NRG1: variants seen among roughly 807,000 people sequenced by gnomAD.
NRG1 encodes pro-neuregulin-1, membrane-bound isoform.
In NRG1, 18 loss-of-function variants were observed where a neutral mutation model predicts 63.8. The ratio of observed to expected loss-of-function variants is 0.28; its 90% confidence interval spans 0.19 to 0.42. The LOEUF (loss-of-function observed/expected upper bound fraction) is 0.42, where lower values mean the gene tolerates loss of function less well. Ranked by LOEUF, NRG1 falls within the 10% of genes least tolerant of loss-of-function variation. NRG1 has a pLI of 1.00. For synonymous variants in NRG1, 302 were observed against 301.3 expected (o/e 1.00, Z -0.02); for missense variants, 762 against 814.7 (o/e 0.94, Z 0.79).
At chr8:32,119,459 T>C (rs1231951487) in intron 1 of NRG1, among the ~76,000 whole-genome samples, 1 of 152,092 alleles carries the variant, frequency 6.6e-6, no homozygotes, top group Non-Finnish European at 1.5e-5. Context: ...TTAAAGGCAA[T>C]CCATCTTCTA....
chr8:32,116,552 T>TA (rs1832737070), intron 1 of NRG1, among the ~76,000 whole-genome samples: 2 of 151,874 alleles, frequency 1.3e-5, no homozygotes, highest in Admixed American at 1.3e-4. Flanking sequence ...TAGGCAAGAG[T>TA]AAGTGGTTTA....
intron 5 of NRG1, among the ~76,000 whole-genome samples, chr8:32,653,069 T>C (rs750998984): frequency 2.2e-4 from 34 of 152,228 alleles, no homozygotes; most frequent in Non-Finnish European, 4.1e-4. Flanking sequence ...TTTCTACTTT[T>C]ATTACTTTTG....
chr8:32,033,788 A>C (rs1818628509), intron 1 of NRG1, among the ~76,000 whole-genome samples: 1 of 152,158 alleles, frequency 6.6e-6, no homozygotes, highest in Non-Finnish European at 1.5e-5. Flanking sequence ...TGACTTTTGC[A>C]CATTGATTTT....
chr8:31,793,699 T>C (rs1820926236), intron 1 of NRG1, among the ~76,000 whole-genome samples: 1 of 152,154 alleles, frequency 6.6e-6, no homozygotes, highest in Non-Finnish European at 1.5e-5. Flanking sequence ...AACAAAGCTA[T>C]ATTTATCCTT....
intron 1 of NRG1, among the ~76,000 whole-genome samples, chr8:32,262,927 A>G (rs1045733104): frequency 6.6e-6 from 1 of 152,162 alleles, no homozygotes; most frequent in Non-Finnish European, 1.5e-5. Flanking sequence ...CCATCCCTTT[A>G]TCTAACTCTT....
intron 1 of NRG1, among the ~76,000 whole-genome samples, chr8:32,083,244 G>C (rs1322995341): frequency 6.6e-6 from 1 of 152,184 alleles, no homozygotes; most frequent in Non-Finnish European, 1.5e-5. Context: ...TTAGGAAACA[G>C]AAAATTCCTG....
At chr8:31,841,169 A>G (rs779838864) in intron 1 of NRG1, among the ~76,000 whole-genome samples, 4 of 151,962 alleles carry the variant, frequency 2.6e-5, no homozygotes, top group Non-Finnish European at 5.9e-5. Flanking sequence ...TTTGAGTGGC[A>G]GAAGAGCAAT....
intron 1 of NRG1, among the ~76,000 whole-genome samples, chr8:31,968,802 C>G (rs1166275021): frequency 6.6e-6 from 1 of 152,138 alleles, no homozygotes; most frequent in Non-Finnish European, 1.5e-5. Flanking sequence ...ACTTCTGCAA[C>G]CAGCTGGCAT....
chr8:31,670,591 T>C (rs1392438626), intron 1 of NRG1, among the ~76,000 whole-genome samples: 1 of 150,640 alleles, frequency 6.6e-6, no homozygotes, highest in South Asian at 2.1e-4. Context: ...TTGTCGAAAA[T>C]AAACCTTCTG....
chr8:31,685,988 T>G (rs1268559045), intron 1 of NRG1, among the ~76,000 whole-genome samples: 9 of 152,186 alleles, frequency 5.9e-5, no homozygotes, highest in African/African-American at 2.2e-4. Context: ...GAACATATGT[T>G]TTTATTTCTC....
intron 1 of NRG1, among the ~76,000 whole-genome samples, chr8:32,505,723 G>A (rs1302208333): frequency 6.6e-6 from 1 of 152,184 alleles, no homozygotes; most frequent in Non-Finnish European, 1.5e-5. Flanking sequence ...TCACAGACTT[G>A]TGGACCTGTG....
rs543027881 is a variant in NRG1, at chr8:32,449,896, A to G, written c.38-145932A>G. ...CAGTGCATCAGATACAACCTATGCA[A>G]TCGTGAAGATTTATGGCAGAGCACA... is the stretch of plus-strand genomic sequence containing the variant. On this transcript the variant is annotated intron_variant, in intron 1 of 10. Coordinates refer to the NRG1 transcript ENST00000519301. Among the ~76,000 whole-genome samples the G allele has an allele frequency of 1.6e-4, 25 of 152,312 alleles. No individual in the cohort carries two copies. In the South Asian group the frequency reaches 4.3e-3, roughly 26 times the overall value.
chr8:32,486,304 T>A (rs1825893095), intron 1 of NRG1, among the ~76,000 whole-genome samples: 1 of 152,098 alleles, frequency 6.6e-6, no homozygotes, highest in African/African-American at 2.4e-5. Context: ...GAGTTCTTAT[T>A]CAGATAGCTA....
rs1819683001 is a variant in NRG1, at chr8:32,442,506, G to A, written c.38-153322G>A. The A allele has an allele frequency of 2.0e-5, 3 of 152,162 alleles. No individual in the cohort carries two copies. In the South Asian group the frequency reaches 6.2e-4, roughly 32 times the overall value. 9.4% of individuals were successfully genotyped at this position (152,162 alleles called of 1,614,324 possible). ...CACTTCACTCAGGGCGCAGAACAAT[G>A]GAAGTCCCTGGAAGGAAAGGCTTGC... On this transcript the variant is annotated intron_variant, in intron 1 of 10. Coordinates refer to the NRG1 transcript ENST00000519301.
chr8:32,017,688 G>T (rs955212583), intron 1 of NRG1, among the ~76,000 whole-genome samples: 1 of 152,200 alleles, frequency 6.6e-6, no homozygotes, highest in African/African-American at 2.4e-5. Context: ...TCAGTTTGTT[G>T]TAAAGGATAT....
chr8:32,345,263 T>A (rs1286527815), intron 1 of NRG1, among the ~76,000 whole-genome samples: 3 of 151,464 alleles, frequency 2.0e-5, no homozygotes, highest in Admixed American at 6.6e-5. Flanking sequence ...CAGGTTATAT[T>A]CCTTCTGTTG....
At chr8:31,743,583 T>G (rs1051629755) in intron 1 of NRG1, among the ~76,000 whole-genome samples, 3 of 151,966 alleles carry the variant, frequency 2.0e-5, no homozygotes, top group Non-Finnish European at 2.9e-5. Flanking sequence ...TGGGTGTGTG[T>G]GTGTGGGTGT....
intron 5 of NRG1, among the ~76,000 whole-genome samples, chr8:32,692,858 C>T (rs752630136): frequency 9.2e-5 from 14 of 152,152 alleles, no homozygotes; most frequent in African/African-American, 1.4e-4. Context: ...GCCACTCCTT[C>T]GAGATGGCCA....
At chr8:31,698,645 C>T (rs765684431) in intron 1 of NRG1, among the ~76,000 whole-genome samples, 4 of 152,054 alleles carry the variant, frequency 2.6e-5, no homozygotes, top group South Asian at 2.1e-4. Context: ...AGTTAGAAAG[C>T]GGGGTTATTA....
Sources: gnomAD v4.1 joint callset for allele counts (sites outside exome capture counted in the v4.1 genomes callset) on GRCh38, gnomAD v4.1.1 for gene constraint, MANE v1.5 for transcripts, NCBI Gene and HGNC (gene_info 2026-07-23, HGNC 2026-07-21) for gene names.